AXDND1: variants seen among roughly 807,000 people sequenced by gnomAD.
AXDND1 encodes axonemal dynein light chain domain containing 1.
In AXDND1, 110 loss-of-function variants were observed where a neutral mutation model predicts 137.5. The observed-to-expected ratio is 0.80, with a 90% CI of 0.69 to 0.94. AXDND1 has a LOEUF of 0.94. Among genes scored for constraint, AXDND1 ranks in the 40% least tolerant of loss-of-function variants. The pLI is 0.00. For synonymous variants in AXDND1, 414 were observed against 399.7 expected, an observed-to-expected ratio of 1.04 and a Z score of -0.43; for missense variants, 1,191 against 1,169.8, an observed-to-expected ratio of 1.02 and a Z score of -0.26.
Position 179,552,505 on chromosome 1 carries a change from AG to A in AXDND1, c.3032-2006del, listed in dbSNP as rs1673434522. On this transcript the variant is annotated intron_variant, in intron 25 of 25. Coordinates refer to ENST00000367618, the MANE Select transcript of AXDND1 (RefSeq NM_144696.6). ...TAAGGGCCCAAGACAGCTTCTGCCCAGTGCCTAATGAATGGACAGTAAGGAA... is the reference window on the plus strand; with the variant it reads ...TAAGGGCCCAAGACAGCTTCTGCCCATGCCTAATGAATGGACAGTAAGGAA... The A allele has an allele frequency of 4.4e-6, 4 of 916,432 alleles. No homozygotes were observed. The South Asian group carries it at 5.6e-5, about 13-fold the overall frequency. The allele number at this position is 916,432 out of a possible 1,614,324, so 56.8% of individuals were successfully genotyped here. A position where few individuals can be genotyped will look rare whatever the true frequency, so the allele number is the denominator to read the frequency against.
At chr1:179,378,542 T>C in intron 4 of AXDND1, 95 bp from the exon 5 acceptor site, 1 of 970,614 alleles carries the variant, frequency 1.0e-6, no homozygotes, top group Non-Finnish European at 1.4e-6. Flanking sequence ...GAGGACCATC[T>C]TACCCATTAG....
chr1:179,415,287 A>T (rs1279343363), intron 12 of AXDND1, among the ~76,000 whole-genome samples: 1 of 152,190 alleles, frequency 6.6e-6, no homozygotes, highest in Non-Finnish European at 1.5e-5. Flanking sequence ...GGTTGCAGTG[A>T]GCCGAGATCG....
At chr1:179,486,285 C>A (rs1572040675) in intron 18 of AXDND1, among the ~76,000 whole-genome samples, 1 of 130,156 alleles carries the variant, frequency 7.7e-6, no homozygotes, top group African/African-American at 2.7e-5. Context: ...AAATAAAAAA[C>A]AATAAAGATG....
chr1:179,392,076 G>A (rs542715364), intron 9 of AXDND1, among the ~76,000 whole-genome samples: 6 of 152,180 alleles, frequency 3.9e-5, no homozygotes, highest in Non-Finnish European at 7.4e-5. Flanking sequence ...CCCATCACCC[G>A]CTGAGCAGTG....
At position 179,449,988 on chromosome 1, in the gene AXDND1, A is replaced by ATTCTTTTTTTTTT. The variant is rs1571882821; in HGVS notation, c.1798+4786_1798+4787insCTTTTTTTTTTTT. ...TTTTACTAGTTTCTTGCCAATCTGG[A>ATTCTTTTTTTTTT]TTTTTTTTTTTTTTTTTTTTTTTTT... On this transcript the variant is annotated intron_variant, in intron 16 of 25. Transcript: ENST00000367618. 3.5e-4 allele frequency: 23 copies of ATTCTTTTTTTTTT among 65,352 alleles called. 4 individuals carry two copies. The highest frequency in any genetic ancestry group is 3.7e-4 in the African/African-American group (6 of 16,116). The allele number at this position is 65,352 out of a possible 1,614,324, so 4.0% of individuals were successfully genotyped here. A position where few individuals can be genotyped will look rare whatever the true frequency, so the allele number is the denominator to read the frequency against.
At chr1:179,475,141 T>A (rs1372260091) in intron 17 of AXDND1, among the ~76,000 whole-genome samples, 2 of 152,178 alleles carry the variant, frequency 1.3e-5, no homozygotes, top group Admixed American at 1.3e-4. Flanking sequence ...CAGGCAGAGG[T>A]CTGCTGCAGA....
Position 179,533,859 on chromosome 1 carries a change from A to G in AXDND1, c.2780A>G (p.His927Arg), listed in dbSNP as rs376757853. Reference protein sequence around the residue: ...KYLEAMAVIEHMQEKLLEVEN... With the variant: ...KYLEAMAVIERMQEKLLEVEN... The stretch of plus-strand genomic sequence containing the variant: ...CTTGAAGCAATGGCTGTAATTGAAC[A>G]TATGCAGGAGAAGTTACTGTAAGTA... The change falls in exon 24 of 26, where the codon CAT (histidine) becomes CGT (arginine). Residue 927 changes from histidine (H) to arginine (R), a missense_variant. His to Arg is a conservative substitution (Grantham distance 29, BLOSUM62 0). Transcript: ENST00000367618. The G allele has an allele frequency of 1.4e-5, 23 of 1,613,080 alleles. No individual in the cohort carries two copies. In the East Asian group the frequency reaches 4.0e-4, roughly 28 times the overall value.
rs1659737168 is a variant in AXDND1 at position 179,446,448 on chromosome 1, G to T, written c.1798+1244G>T. On this transcript the variant is annotated intron_variant, in intron 16 of 25. Coordinates refer to ENST00000367618, the MANE Select transcript of AXDND1 (RefSeq NM_144696.6). ...TGGTTCTCAAACTTTAGTGTGATTA[G>T]GGATTCGGTGAAGAATGCAGATTCC... is the stretch of plus-strand genomic sequence containing the variant. Among the ~76,000 whole-genome samples, 3 of 152,170 alleles carry T rather than the reference G, an allele frequency of 2.0e-5. No homozygotes were observed. In the South Asian group the frequency reaches 6.2e-4, roughly 31 times the overall value.
At chr1:179,377,175 G>T (rs1647406561) in intron 4 of AXDND1, among the ~76,000 whole-genome samples, 1 of 152,100 alleles carries the variant, frequency 6.6e-6, no homozygotes, top group East Asian at 1.9e-4. Flanking sequence ...CAAGTGATCT[G>T]CCCCCTTCAG....
chr1:179,502,874 T>C (rs1207749017), intron 20 of AXDND1, among the ~76,000 whole-genome samples: 1 of 151,920 alleles, frequency 6.6e-6, no homozygotes, highest in Non-Finnish European at 1.5e-5. Context: ...GACGGGTGGA[T>C]CACCTGAGGT....
intron 15 of AXDND1, among the ~76,000 whole-genome samples, chr1:179,436,890 C>T (rs912812802): frequency 7.9e-5 from 12 of 151,786 alleles, no homozygotes; most frequent in Admixed American, 2.0e-4. Context: ...ACAAAAAGCT[C>T]GGTAGATATC....
intron 9 of AXDND1, among the ~76,000 whole-genome samples, chr1:179,392,876 T>C (rs1303977438): frequency 6.6e-6 from 1 of 152,186 alleles, no homozygotes; most frequent in Non-Finnish European, 1.5e-5. Flanking sequence ...TACTAGTCCT[T>C]TGCCAGGTGC....
At chr1:179,531,278 T>A (rs1369293905) in intron 23 of AXDND1, among the ~76,000 whole-genome samples, 1 of 152,104 alleles carries the variant, frequency 6.6e-6, no homozygotes, top group Middle Eastern at 3.2e-3. Context: ...ACAATAATGA[T>A]GTTATTTATA....
rs532007974 is a variant in AXDND1, at chr1:179,504,671, C to G, written c.2389-4625C>G. On this transcript the variant is annotated intron_variant, in intron 20 of 25. Transcript: ENST00000367618. ...TGTGCTATGGCCATTCATTGCCCTG[C>G]GCCACCCCATCCCCTGACTGGATGC... Among the ~76,000 whole-genome samples the G allele has an allele frequency of 3.9e-5, 6 of 152,204 alleles. No individual in the cohort carries two copies. The South Asian group carries it at 1.2e-3, about 32-fold the overall frequency.
At chr1:179,429,178 G>GAA (rs11431069) in intron 12 of AXDND1, among the ~76,000 whole-genome samples, 30 of 149,766 alleles carry the variant, frequency 2.0e-4, no homozygotes, top group East Asian at 3.9e-4. Flanking sequence ...CACTGTCTCA[G>GAA]AAAAAAAAAT....
intron 25 of AXDND1, among the ~76,000 whole-genome samples, chr1:179,540,092 C>G (rs1033935153): frequency 3.3e-5 from 5 of 151,988 alleles, no homozygotes; most frequent in African/African-American, 1.2e-4. Context: ...GCCATTTCGT[C>G]TAATCTTTTT....
chr1:179,474,961 T>A (rs1205899684), intron 17 of AXDND1, among the ~76,000 whole-genome samples: 1 of 152,188 alleles, frequency 6.6e-6, no homozygotes, highest in Non-Finnish European at 1.5e-5. Context: ...GGACATGGCG[T>A]CCTGTGTCCC....
intron 15 of AXDND1, among the ~76,000 whole-genome samples, chr1:179,433,662 G>A (rs1657714473): frequency 2.0e-5 from 3 of 152,306 alleles, no homozygotes; most frequent in Admixed American, 6.5e-5. Context: ...TTTCCATGCA[G>A]TTGTATGGTT....
In AXDND1 at chr1:179,514,945, A is replaced by T. The variant is rs1241998503; in HGVS notation, c.2496+5542A>T. Among the ~76,000 whole-genome samples the T allele has an allele frequency of 2.0e-5, 3 of 152,170 alleles. No individual in the cohort carries two copies. In the East Asian group the frequency reaches 5.8e-4, roughly 29 times the overall value. On this transcript the variant is annotated intron_variant, in intron 21 of 25. Coordinates refer to ENST00000367618, the MANE Select transcript of AXDND1 (RefSeq NM_144696.6). ...TTTTCCAACCTTTTTATTTCAGTTT[A>T]TGTAGTCCTTATGTGTTAGGTGAGT... is the stretch of plus-strand genomic sequence containing the variant.
Sources: allele counts gnomAD v4.1 joint callset (sites outside exome capture counted in the v4.1 genomes callset), GRCh38; gene constraint gnomAD v4.1.1; transcripts MANE v1.5; gene names NCBI Gene and HGNC (gene_info 2026-07-23, HGNC 2026-07-21).